PARD3: variants seen among roughly 807,000 people sequenced by gnomAD.
The protein encoded by PARD3 is par-3 family cell polarity regulator, also known as partitioning defective 3 homolog.
Under a neutral mutation model 155.4 loss-of-function variants are expected in PARD3, and 75 were observed. The ratio of observed to expected loss-of-function variants is 0.48; its 90% CI spans 0.40 to 0.58. PARD3 has a LOEUF of 0.58. PARD3 is among the 20% of genes least tolerant of loss of function. The pLI is 0.00. For missense variants in PARD3, 1,642 were observed against 1,721.7 expected, an observed-to-expected ratio of 0.95 and a Z score of 0.82; for synonymous variants, 576 against 610.5, an observed-to-expected ratio of 0.94 and a Z score of 0.83.
intron 1 of PARD3, among the ~76,000 whole-genome samples, chr10:34,726,445 G>A (rs561045327): frequency 2.0e-5 from 3 of 152,336 alleles, no homozygotes; most frequent in Non-Finnish European, 1.5e-5. Context: ...AATTAGCCAG[G>A]CGTGGTGGCA....
intron 22 of PARD3, among the ~76,000 whole-genome samples, chr10:34,219,919 A>C (rs1952192538): frequency 6.6e-6 from 1 of 152,240 alleles, no homozygotes; most frequent in African/African-American, 2.4e-5. Flanking sequence ...AATGGCCAGG[A>C]TGGAATGGAG....
At chr10:34,709,807 GC>G (rs2094424576) in intron 1 of PARD3, among the ~76,000 whole-genome samples, 1 of 152,110 alleles carries the variant, frequency 6.6e-6, no homozygotes, top group Non-Finnish European at 1.5e-5. Flanking sequence ...CCTCCCACTG[GC>G]CAAACCCAAC....
At chr10:34,317,803 C>T (rs936398222) in intron 19 of PARD3, among the ~76,000 whole-genome samples, 1 of 152,226 alleles carries the variant, frequency 6.6e-6, no homozygotes, top group East Asian at 1.9e-4. Context: ...TGCTGGACTA[C>T]ACCATTCAAT....
At chr10:34,359,119 G>C (rs1839195665) in intron 14 of PARD3, 28 bp downstream of exon 14, 1 of 1,581,474 alleles carries the variant, frequency 6.3e-7, no homozygotes, top group Non-Finnish European at 8.7e-7. Flanking sequence ...TACAATTTTA[G>C]ATACTAGCAC....
chr10:34,209,306 GT>G (rs1400596415), intron 22 of PARD3, among the ~76,000 whole-genome samples: 5 of 152,148 alleles, frequency 3.3e-5, no homozygotes, highest in African/African-American at 1.2e-4. Flanking sequence ...GGTTGATTTG[GT>G]TATCAGGAGC....
At chr10:34,190,064 A>T (rs1339095696) in intron 22 of PARD3, among the ~76,000 whole-genome samples, 3 of 152,210 alleles carry the variant, frequency 2.0e-5, no homozygotes, top group Non-Finnish European at 4.4e-5. Flanking sequence ...TATAAGTAAA[A>T]CATTCATGGG....
chr10:34,665,832 C>T (rs915491208), intron 2 of PARD3, among the ~76,000 whole-genome samples: 4 of 117,988 alleles, frequency 3.4e-5, no homozygotes, highest in African/African-American at 1.4e-4. Context: ...GAGACTTCGT[C>T]TCAATTAAAG....
intron 2 of PARD3, among the ~76,000 whole-genome samples, chr10:34,644,367 TAAA>T (rs1188339633): frequency 1.3e-5 from 2 of 152,204 alleles, no homozygotes; most frequent in African/African-American, 2.4e-5. Flanking sequence ...AAGCAGCAGC[TAAA>T]TCCCAAGGGC....
At chr10:34,197,851 T>C (rs549330211) in intron 22 of PARD3, among the ~76,000 whole-genome samples, 1 of 152,328 alleles carries the variant, frequency 6.6e-6, no homozygotes, top group South Asian at 2.1e-4. Context: ...TGCCCCAGCC[T>C]CCCGAGCAGC....
At chr10:34,282,593 T>C (rs747826882) in intron 21 of PARD3, among the ~76,000 whole-genome samples, 8 of 151,998 alleles carry the variant, frequency 5.3e-5, no homozygotes, top group Non-Finnish European at 1.2e-4. Context: ...AGATGAAAAA[T>C]AGTACAGGAT....
At position 34,489,622 on chromosome 10, in the gene PARD3, G is replaced by A. The variant is rs530438346; in HGVS notation, c.404-19359C>T. 6.6e-5 allele frequency among the ~76,000 whole-genome samples: 10 copies of A among 152,288 alleles called. No individual in the cohort carries two copies. The East Asian group carries it at 1.4e-3, about 21-fold the overall frequency. ...TCATGGCTCTGAAACATATGGCTGC[G>A]TGTCTGTTTATATTACCTTCAAAGT... On this transcript the variant is annotated intron_variant, in intron 3 of 24. Coordinates refer to ENST00000374788, the MANE Select transcript of PARD3 (RefSeq NM_001184785.2).
chr10:34,156,824 A>G (rs548501553), intron 22 of PARD3, among the ~76,000 whole-genome samples: 1 of 604 alleles, frequency 1.7e-3, no homozygotes, highest in African/African-American at 8.8e-3. Flanking sequence ...TTTGGTTTAT[A>G]TGAAAGGAAA....
intron 2 of PARD3, among the ~76,000 whole-genome samples, chr10:34,651,294 G>A (rs1417417087): frequency 6.6e-6 from 1 of 152,150 alleles, no homozygotes; most frequent in Admixed American, 6.6e-5. Flanking sequence ...GTCCTCTTAA[G>A]ACTAGTCTTT....
At chr10:34,398,429 G>A (rs905811983) in intron 7 of PARD3, among the ~76,000 whole-genome samples, 3 of 151,784 alleles carry the variant, frequency 2.0e-5, no homozygotes, top group South Asian at 4.2e-4. Context: ...CCACTTTTTC[G>A]CACCATGTAA....
At chr10:34,116,458 C>A in intron 24 of PARD3, among the ~76,000 whole-genome samples, 1 of 152,204 alleles carries the variant, frequency 6.6e-6, no homozygotes, top group East Asian at 1.9e-4. Flanking sequence ...GAAACTTGGA[C>A]TTGACTCAAG....
chr10:34,765,949 T>A (rs1838032660), intron 1 of PARD3, among the ~76,000 whole-genome samples: 2 of 152,168 alleles, frequency 1.3e-5, no homozygotes, highest in African/African-American at 4.8e-5. Context: ...CAATGTTAGG[T>A]AATTTGCCTA....
chr10:34,624,670 G>A (rs2091890101), intron 2 of PARD3, among the ~76,000 whole-genome samples: 1 of 152,226 alleles, frequency 6.6e-6, no homozygotes, highest in Non-Finnish European at 1.5e-5. Context: ...GAGGATGATG[G>A]TGGAGAGGAC....
intron 1 of PARD3, among the ~76,000 whole-genome samples, chr10:34,716,672 A>T (rs988495175): frequency 2.1e-5 from 3 of 143,880 alleles, no homozygotes; most frequent in African/African-American, 7.8e-5. Flanking sequence ...GGCTCACTGC[A>T]ACCTCTGCCT....
intron 22 of PARD3, among the ~76,000 whole-genome samples, chr10:34,215,386 G>A (rs1226691159): frequency 6.6e-6 from 1 of 152,114 alleles, no homozygotes; most frequent in East Asian, 1.9e-4. Context: ...AGATAAATAT[G>A]TATTGAAAAA....
Sources: gnomAD v4.1 joint callset for allele counts (sites outside exome capture counted in the v4.1 genomes callset) on GRCh38, gnomAD v4.1.1 for gene constraint, MANE v1.5 for transcripts, NCBI Gene and HGNC (gene_info 2026-07-23, HGNC 2026-07-21) for gene names.